Variants in MID1 observed in about 807,000 individuals in gnomAD.
MID1 encodes midline 1, also known as E3 ubiquitin-protein ligase Midline-1.
Under a neutral mutation model 40.4 loss-of-function variants are expected in MID1, and 7 were observed. That is an observed-to-expected ratio of 0.17 (90% CI 0.10 to 0.33). MID1 has a LOEUF of 0.33. Among genes scored for constraint, MID1 ranks in the 10% least tolerant of loss-of-function variants. The pLI, the probability that MID1 is intolerant of heterozygous loss-of-function variation, is 1.00. For missense variants in MID1, 367 were observed against 558.5 expected, an observed-to-expected ratio of 0.66 and a Z score of 3.46; for synonymous variants, 229 against 221.2, an observed-to-expected ratio of 1.04 and a Z score of -0.31.
chrX:10,512,142 A>G (rs1280432492), intron 3 of MID1, among the ~76,000 whole-genome samples: 2 of 112,518 alleles, frequency 1.8e-5, no homozygotes, highest in Non-Finnish European at 3.7e-5. Context: ...ATCATCTCAA[A>G]GAAGTTGAGG....
intron 1 of MID1, among the ~76,000 whole-genome samples, chrX:10,770,872 G>A (rs1415755505): frequency 1.8e-5 from 2 of 111,606 alleles, no homozygotes; most frequent in Admixed American, 1.9e-4. Context: ...TTGGGAGGCT[G>A]AGGCGGGTGG....
chrX:10,747,950 G>A (rs969259549), intron 1 of MID1, among the ~76,000 whole-genome samples: 1 of 111,289 alleles, frequency 9.0e-6, no homozygotes, highest in Non-Finnish European at 1.9e-5. Context: ...GAAATAAGAG[G>A]GACTTCTTTT....
intron 1 of MID1, among the ~76,000 whole-genome samples, chrX:10,790,371 C>T (rs1312826384): frequency 9.1e-6 from 1 of 109,572 alleles, no homozygotes; most frequent in Non-Finnish European, 1.9e-5. Flanking sequence ...CCGTGCTCTG[C>T]TTCCTTATCC....
At chrX:10,504,643 T>C (rs1931734153) in intron 3 of MID1, among the ~76,000 whole-genome samples, 1 of 111,465 alleles carries the variant, frequency 9.0e-6, no homozygotes. Context: ...TCCAGAATTT[T>C]TGAAGCTACT....
intron 1 of MID1, among the ~76,000 whole-genome samples, chrX:10,810,387 G>T (rs1273538098): frequency 9.0e-6 from 1 of 111,557 alleles, no homozygotes; most frequent in Non-Finnish European, 1.9e-5. Context: ...CCATTGTATG[G>T]GTATATCACA....
intron 2 of MID1, among the ~76,000 whole-genome samples, chrX:10,562,096 C>T (rs1429278470): frequency 1.9e-5 from 2 of 105,780 alleles, no homozygotes; most frequent in African/African-American, 7.6e-5. Flanking sequence ...TGGAACCCAT[C>T]ATTCTCAGCA....
At chrX:10,618,758 G>A (rs756519413) in intron 1 of MID1, among the ~76,000 whole-genome samples, 1 of 111,766 alleles carries the variant, frequency 8.9e-6, no homozygotes, top group South Asian at 3.9e-4. Flanking sequence ...GGTTCCTGAG[G>A]AATTGTGTGG....
At chrX:10,736,139 C>T (rs1448974975) in intron 1 of MID1, among the ~76,000 whole-genome samples, 6 of 111,668 alleles carry the variant, frequency 5.4e-5, no homozygotes, top group Middle Eastern at 4.6e-3. Flanking sequence ...CCACCACGCC[C>T]GGCTAATTTT....
At chrX:10,807,746 T>C (rs912336591) in intron 1 of MID1, among the ~76,000 whole-genome samples, 2 of 112,630 alleles carry the variant, frequency 1.8e-5, no homozygotes, top group South Asian at 3.6e-4. Flanking sequence ...TGAGACCAGA[T>C]GGTGTCTACC....
intron 2 of MID1, among the ~76,000 whole-genome samples, chrX:10,526,190 TAAAG>T (rs1932826461): frequency 9.0e-6 from 1 of 111,426 alleles, no homozygotes; most frequent in African/African-American, 3.3e-5. Context: ...CTTTTTCACT[TAAAG>T]AATGGGATAC....
chrX:10,756,616 G>A (rs1052264745), intron 1 of MID1, among the ~76,000 whole-genome samples: 2 of 111,481 alleles, frequency 1.8e-5, no homozygotes, highest in Admixed American at 1.9e-4. Flanking sequence ...AGTCACTTAT[G>A]TATGCATCAG....
chrX:10,740,605 A>G (rs1266548369), intron 1 of MID1, among the ~76,000 whole-genome samples: 1 of 112,171 alleles, frequency 8.9e-6, no homozygotes, highest in African/African-American at 3.2e-5. Flanking sequence ...ATGACTTTGG[A>G]CCAGTTTCTT....
intron 1 of MID1, chrX:10,677,536 C>T (rs1429541743): frequency 8.9e-6 from 1 of 112,768 alleles, no homozygotes; most frequent in Non-Finnish European, 1.9e-5. Flanking sequence ...CAGTCTTCTA[C>T]ATTTTGCAAT....
At chrX:10,516,347 A>C (rs1932409274) in intron 3 of MID1, among the ~76,000 whole-genome samples, 1 of 109,204 alleles carries the variant, frequency 9.2e-6, no homozygotes, top group East Asian at 2.9e-4. Context: ...GGCGCCCGCC[A>C]CCATGCCCGG....
At chrX:10,813,680 T>C (rs911884483) in intron 1 of MID1, among the ~76,000 whole-genome samples, 1 of 111,406 alleles carries the variant, frequency 9.0e-6, no homozygotes, top group Non-Finnish European at 1.9e-5. Flanking sequence ...ATTCAGGCAG[T>C]TGTACTCAGG....
chrX:10,579,603 T>G (rs916458104), intron 1 of MID1, among the ~76,000 whole-genome samples: 2 of 111,185 alleles, frequency 1.8e-5, no homozygotes, highest in Non-Finnish European at 3.8e-5. Flanking sequence ...TCAAAGAAAA[T>G]CGCTTTTTCC....
chrX:10,493,691 T>A (rs1051100258), intron 4 of MID1, among the ~76,000 whole-genome samples: 2 of 112,307 alleles, frequency 1.8e-5, no homozygotes, highest in Non-Finnish European at 3.8e-5. Context: ...AAATTTCAAA[T>A]GTTCTCACCA....
chrX:10,809,532 T>C (rs1428058024), intron 1 of MID1, among the ~76,000 whole-genome samples: 4 of 111,610 alleles, frequency 3.6e-5, no homozygotes, highest in African/African-American at 1.3e-4. Context: ...CCAACCCAAA[T>C]GTCCATCAAC....
At position 10,655,615 on chromosome X, in the gene MID1, G is replaced by A. The variant is rs148902514; in HGVS notation, c.-186-35196C>T. 5.4e-4 allele frequency among the ~76,000 whole-genome samples: 60 copies of A among 111,035 alleles called. No individual in the cohort carries two copies. The East Asian group carries it at 0.011, about 20-fold the overall frequency. On this transcript the variant is annotated intron_variant, in intron 1 of 10. Transcript: ENST00000380785. The stretch of plus-strand genomic sequence containing the variant: ...AATTGGTCACAAATTATGTCAACAA[G>A]TGAAATCTACCCACTCTTTGAATCT...
Sources: allele counts gnomAD v4.1 joint callset (sites outside exome capture counted in the v4.1 genomes callset), GRCh38; gene constraint gnomAD v4.1.1; transcripts MANE v1.5; gene names NCBI Gene and HGNC (gene_info 2026-07-23, HGNC 2026-07-21).